PASD1: variants seen among roughly 807,000 people sequenced by gnomAD.
PASD1 encodes circadian clock protein PASD1.
A neutral mutation model predicts 58.8 loss-of-function variants in PASD1; 13 were observed. That is an observed-to-expected ratio of 0.22 (90% CI 0.14 to 0.35). The LOEUF is 0.35. Ranked by LOEUF, PASD1 falls within the 10% of genes least tolerant of loss-of-function variation. The probability of loss-of-function intolerance (pLI) is 1.00; values close to 1 mark genes in which losing one functional copy is unlikely to be tolerated. For synonymous variants in PASD1, 236 were observed against 216.7 expected (o/e 1.09, Z -0.78); for missense variants, 734 against 568.3 (o/e 1.29, Z -2.96).
intron 1 of PASD1, among the ~76,000 whole-genome samples, chrX:151,573,173 C>G (rs1230351564): frequency 9.3e-6 from 1 of 107,915 alleles, no homozygotes; most frequent in African/African-American, 3.4e-5. Flanking sequence ...AACTCACTCA[C>G]TATGGAGAAG....
intron 8 of PASD1, among the ~76,000 whole-genome samples, chrX:151,643,368 G>C (rs1307562572): frequency 9.0e-6 from 1 of 111,376 alleles, no homozygotes; most frequent in Non-Finnish European, 1.9e-5. Flanking sequence ...GTTGGTAATA[G>C]CTCATAGGTA....
At chrX:151,669,172 G>T (rs1380937113) in intron 11 of PASD1, among the ~76,000 whole-genome samples, 3 of 93,166 alleles carry the variant, frequency 3.2e-5, no homozygotes, top group Non-Finnish European at 6.6e-5. Context: ...CTATATGTGT[G>T]TGTGTATATA....
intron 1 of PASD1, among the ~76,000 whole-genome samples, chrX:151,597,226 A>T (rs1250748132): frequency 8.9e-6 from 1 of 112,026 alleles, no homozygotes; most frequent in Non-Finnish European, 1.9e-5. Context: ...TCTGCATGGG[A>T]TAGGAGATAC....
intron 1 of PASD1, among the ~76,000 whole-genome samples, chrX:151,577,935 C>G (rs184070133): frequency 1.8e-5 from 2 of 112,123 alleles, no homozygotes; most frequent in African/African-American, 6.5e-5. Context: ...TAAAAAGGAT[C>G]TCTGCTATTA....
intron 8 of PASD1, among the ~76,000 whole-genome samples, chrX:151,647,909 T>A (rs189697101): frequency 9.0e-6 from 1 of 111,480 alleles, no homozygotes. Context: ...GTCTTGCTGC[T>A]CTGAGGTCTT....
Position 151,672,189 on chromosome X carries a change from C to G in PASD1, c.1444C>G (p.Leu482Val). The change falls in exon 14 of 16, where the codon CTG (leucine) becomes GTG (valine). Residue 482 changes from leucine (L) to valine (V), a missense_variant. Physicochemically the swap from Leu to Val is conservative, Grantham distance 32. Transcript: ENST00000370357. ...CTGTTGCCTTTCGATGCAGCAGCAA[C>G]TGGTGCAGCAAGAACAACACCTGAA... ...EPCVAFNQQQ[L>V]VQQEQHLKEQ... 3 of 1,149,557 alleles carry G rather than the reference C, an allele frequency of 2.6e-6. No homozygotes were observed. Among genetic ancestry groups the G allele is most frequent in the Non-Finnish European group, 3.5e-6 (3 of 867,469 alleles). 94.7% of individuals were successfully genotyped at this position (1,149,557 alleles called of 1,213,427 possible). A position where few individuals can be genotyped will look rare whatever the true frequency, so the allele number is the denominator to read the frequency against.
chrX:151,611,553 G>A (rs960362073), intron 3 of PASD1, 111 bp from the exon 4 acceptor site: 3 of 479,550 alleles, frequency 6.3e-6, no homozygotes, highest in East Asian at 3.9e-5. Flanking sequence ...GATATTTAAG[G>A]ACTGGGGTGC....
chrX:151,571,748 G>GA (rs1343494805), intron 1 of PASD1, among the ~76,000 whole-genome samples: 1 of 111,688 alleles, frequency 9.0e-6, no homozygotes, highest in Non-Finnish European at 1.9e-5. Flanking sequence ...TTTTCTTTAA[G>GA]AAAAAACACT....
intron 1 of PASD1, among the ~76,000 whole-genome samples, chrX:151,568,272 G>A (rs1486680627): frequency 7.2e-5 from 8 of 111,575 alleles, no homozygotes; most frequent in East Asian, 5.6e-4. Flanking sequence ...GTCCCAGTAG[G>A]GTAGGATGTT....
At chrX:151,637,289 T>G (rs993408600) in intron 8 of PASD1, among the ~76,000 whole-genome samples, 1 of 112,498 alleles carries the variant, frequency 8.9e-6, no homozygotes, top group Non-Finnish European at 1.9e-5. Flanking sequence ...ATGTTCAACT[T>G]TATAAGAAAC....
intron 11 of PASD1, among the ~76,000 whole-genome samples, chrX:151,670,172 A>G (rs1378127528): frequency 9.0e-6 from 1 of 111,606 alleles, no homozygotes; most frequent in African/African-American, 3.3e-5. Flanking sequence ...ACTTTTCCCA[A>G]ACTCCACGCT....
In PASD1 at chrX:151,637,146, G is replaced by T. The variant is rs191304133; in HGVS notation, c.630-11469G>T. Among the ~76,000 whole-genome samples, 6 of 112,352 alleles carry T rather than the reference G, an allele frequency of 5.3e-5. No homozygotes were observed. In the East Asian group the frequency reaches 1.7e-3, roughly 31 times the overall value. ...CAGTTTATTATTTCACCTGCTGAAGGACTTCTGTGTTATTGCCAGTTTTCT... is the reference window on the plus strand; with the variant it reads ...CAGTTTATTATTTCACCTGCTGAAGTACTTCTGTGTTATTGCCAGTTTTCT... On this transcript the variant is annotated intron_variant, in intron 8 of 15. Transcript: ENST00000370357.
At chrX:151,674,633 C>T (rs1418572398) in intron 15 of PASD1, among the ~76,000 whole-genome samples, 1 of 112,404 alleles carries the variant, frequency 8.9e-6, no homozygotes, top group African/African-American at 3.2e-5. Context: ...CTATGGGGTA[C>T]CCCGTATTTG....
rs751724469 is a variant in PASD1, at chrX:151,569,123, T to C, written c.-28+5284T>C. Among the ~76,000 whole-genome samples, 14 of 111,707 alleles carry C rather than the reference T, an allele frequency of 1.3e-4. No homozygotes were observed. The Admixed American group carries it at 1.3e-3, about 11-fold the overall frequency. ...AGGCAAGTATATTTTGTTGGCTTGC[T>C]CTCCTCTAACTTTAGGTCTCCCAGT... On this transcript the variant is annotated intron_variant, in intron 1 of 15. Transcript: ENST00000370357.
At chrX:151,670,518 G>A (rs1401742816) in intron 11 of PASD1, among the ~76,000 whole-genome samples, 3 of 112,051 alleles carry the variant, frequency 2.7e-5, no homozygotes, top group Non-Finnish European at 5.6e-5. Context: ...AGATTTCCAG[G>A]ACCTAGAGGA....
intron 8 of PASD1, among the ~76,000 whole-genome samples, chrX:151,641,852 G>A (rs1002808813): frequency 9.0e-6 from 1 of 110,932 alleles, no homozygotes; most frequent in East Asian, 2.9e-4. Flanking sequence ...GCGCGCGCGC[G>A]TATACCAGAC....
chrX:151,612,953 C>T (rs35686292), intron 4 of PASD1, among the ~76,000 whole-genome samples: 41,522 of 110,615 alleles, frequency 0.38, 5,809 homozygotes, highest in African/African-American at 0.41. Context: ...GGTTTTAGGT[C>T]TAACATTTAA....
At chrX:151,667,783 G>A (rs1171732233) in intron 11 of PASD1, among the ~76,000 whole-genome samples, 1 of 111,890 alleles carries the variant, frequency 8.9e-6, no homozygotes, top group Admixed American at 9.5e-5. Context: ...GGTTACTGTA[G>A]CCTTGTGGTA....
intron 4 of PASD1, among the ~76,000 whole-genome samples, chrX:151,620,360 A>T (rs1251700188): frequency 1.8e-5 from 2 of 110,915 alleles, no homozygotes. Flanking sequence ...GAGCTTATTC[A>T]TTGGAAGAGG....
Sources: gnomAD v4.1 joint callset for allele counts (sites outside exome capture counted in the v4.1 genomes callset) on GRCh38, gnomAD v4.1.1 for gene constraint, MANE v1.5 for transcripts, NCBI Gene and HGNC (gene_info 2026-07-23, HGNC 2026-07-21) for gene names.